RBFOX1: variants seen among roughly 807,000 people sequenced by gnomAD.
The protein encoded by RBFOX1 is RNA binding fox-1 homolog 1, also known as RNA binding protein fox-1 homolog 1.
Under a neutral mutation model 57.7 loss-of-function variants are expected in RBFOX1, and 8 were observed. That is an observed-to-expected ratio of 0.14 (90% CI 0.08 to 0.25). RBFOX1 has a LOEUF of 0.25. Among genes scored for constraint, RBFOX1 ranks in the 10% least tolerant of loss-of-function variants. The probability of loss-of-function intolerance (pLI) is 1.00; values close to 1 mark genes in which losing one functional copy is unlikely to be tolerated. For synonymous variants in RBFOX1, 326 were observed against 222.4 expected, an observed-to-expected ratio of 1.47 and a Z score of -4.15; for missense variants, 611 against 548.5, an observed-to-expected ratio of 1.11 and a Z score of -1.14.
intron 4 of RBFOX1, among the ~76,000 whole-genome samples, chr16:5,920,248 T>G (rs115844412): frequency 1.8e-4 from 27 of 152,344 alleles, no homozygotes; most frequent in African/African-American, 6.5e-4. Flanking sequence ...TAGTACTTCC[T>G]TTCTGTAGAA....
At chr16:6,504,566 C>T (rs986530780) in intron 2 of RBFOX1, among the ~76,000 whole-genome samples, 4 of 152,274 alleles carry the variant, frequency 2.6e-5, no homozygotes, top group Admixed American at 6.5e-5. Flanking sequence ...GTTTGCCTAT[C>T]TACATTCCAA....
intron 3 of RBFOX1, among the ~76,000 whole-genome samples, chr16:6,662,525 G>T (rs1423998062): frequency 6.6e-6 from 1 of 152,138 alleles, no homozygotes; most frequent in Admixed American, 6.5e-5. Context: ...TAGATTTCAG[G>T]TGGCAAATGA....
intron 1 of RBFOX1, among the ~76,000 whole-genome samples, chr16:6,051,280 C>T (rs553912631): frequency 1.6e-4 from 24 of 151,894 alleles, no homozygotes; most frequent in Non-Finnish European, 3.1e-4. Flanking sequence ...TCTTGATAAT[C>T]GGCCTCTCCA....
At chr16:7,069,909 A>G (rs1478401204) in intron 4 of RBFOX1, among the ~76,000 whole-genome samples, 1 of 152,202 alleles carries the variant, frequency 6.6e-6, no homozygotes, top group Non-Finnish European at 1.5e-5. Context: ...CTCTGCTTTC[A>G]GGGAAACGGA....
intron 2 of RBFOX1, among the ~76,000 whole-genome samples, chr16:6,379,360 G>C (rs1029623027): frequency 2.6e-5 from 4 of 152,120 alleles, no homozygotes; most frequent in South Asian, 2.1e-4. Flanking sequence ...AGTTAGCCAG[G>C]ATATTCCTGC....
chr16:6,499,367 A>G (rs993758581), intron 2 of RBFOX1, among the ~76,000 whole-genome samples: 2 of 152,074 alleles, frequency 1.3e-5, no homozygotes, highest in Non-Finnish European at 2.9e-5. Flanking sequence ...CACCACAAAC[A>G]GCCATGTGTA....
chr16:6,812,065 T>C (rs974626840), intron 3 of RBFOX1, among the ~76,000 whole-genome samples: 1 of 152,058 alleles, frequency 6.6e-6, no homozygotes, highest in African/African-American at 2.4e-5. Context: ...TGTATCACCA[T>C]ATAAAGTTGT....
intron 2 of RBFOX1, among the ~76,000 whole-genome samples, chr16:6,439,829 C>T (rs148832119): frequency 1.5e-4 from 23 of 152,176 alleles, no homozygotes; most frequent in Non-Finnish European, 2.8e-4. Flanking sequence ...AGGTGAGCAT[C>T]CGACCCAGGG....
At chr16:6,485,087 G>C (rs2095446452) in intron 2 of RBFOX1, among the ~76,000 whole-genome samples, 1 of 152,164 alleles carries the variant, frequency 6.6e-6, no homozygotes. Flanking sequence ...TTTGTGGTTT[G>C]CTATGACTAA....
chr16:7,407,400 G>GTA (rs1568687654), intron 4 of RBFOX1, among the ~76,000 whole-genome samples: 1 of 142,800 alleles, frequency 7.0e-6, no homozygotes, highest in African/African-American at 2.5e-5. Flanking sequence ...GTGTGTGTGT[G>GTA]TGTGTATGTG....
chr16:6,143,576 C>G lies in RBFOX1; in HGVS notation c.-127+123584C>G, dbSNP rs563428154. On this transcript the variant is annotated intron_variant, in intron 1 of 15. Coordinates refer to ENST00000550418, the MANE Select transcript of RBFOX1 (RefSeq NM_018723.4). ...ATAGCTAAAGGACACTTACCATAAG[C>G]ATCCAAGTGATTCTGTTCTCTCTTG... Among the ~76,000 whole-genome samples the G allele has an allele frequency of 1.1e-4, 16 of 152,304 alleles. No homozygotes were observed. In the East Asian group the frequency reaches 2.1e-3, roughly 20 times the overall value.
At chr16:7,322,739 A>C (rs913241152) in intron 4 of RBFOX1, among the ~76,000 whole-genome samples, 2 of 152,198 alleles carry the variant, frequency 1.3e-5, no homozygotes, top group African/African-American at 4.8e-5. Context: ...TGGTATGGGA[A>C]AAAGCCAAGG....
At chr16:7,213,873 C>G (rs778137331) in intron 4 of RBFOX1, among the ~76,000 whole-genome samples, 1 of 152,158 alleles carries the variant, frequency 6.6e-6, no homozygotes, top group Non-Finnish European at 1.5e-5. Context: ...GGGGGAACGA[C>G]TCAAAGACAG....
At position 7,375,219 on chromosome 16, in the gene RBFOX1, A is replaced by C. The variant is rs79828197; in HGVS notation, c.28-142928A>C. On this transcript the variant is annotated intron_variant, in intron 4 of 15. Coordinates refer to ENST00000550418, the MANE Select transcript of RBFOX1 (RefSeq NM_018723.4). ...GAAGATCAGAGAAGTACATCGTTTC[A>C]GTGACCAAGTCACTGTTAAATGACA... Among the ~76,000 whole-genome samples the C allele has an allele frequency of 6.7e-3, 1,028 of 152,368 alleles. 15 individuals carry two copies. Among genetic ancestry groups the C allele is most frequent in the African/African-American group, 0.024 (985 of 41,594 alleles).
intron 3 of RBFOX1, among the ~76,000 whole-genome samples, chr16:6,868,188 G>T (rs2060261661): frequency 6.6e-6 from 1 of 152,042 alleles, no homozygotes; most frequent in Admixed American, 6.6e-5. Flanking sequence ...GTCTTTCAGT[G>T]CTACATGTTA....
intron 3 of RBFOX1, among the ~76,000 whole-genome samples, chr16:6,890,539 A>C (rs2065167209): frequency 6.6e-6 from 1 of 152,006 alleles, no homozygotes; most frequent in African/African-American, 2.4e-5. Context: ...AACAAAACCA[A>C]ACCCAAAGAA....
At position 6,833,364 on chromosome 16, in the gene RBFOX1, A is replaced by G. The variant is rs2092849112; in HGVS notation, c.-16+178714A>G. On this transcript the variant is annotated intron_variant, in intron 3 of 15. Coordinates refer to ENST00000550418, the MANE Select transcript of RBFOX1 (RefSeq NM_018723.4). ...GTATTTTTAGTAGAGACAGGGTTTC[A>G]CCATGTTGGTTCCGCTGTTCTCAAA... Among the ~76,000 whole-genome samples, 3 of 151,822 alleles carry G rather than the reference A, an allele frequency of 2.0e-5. No individual in the cohort carries two copies. The East Asian group carries it at 5.9e-4, about 30-fold the overall frequency.
intron 4 of RBFOX1, among the ~76,000 whole-genome samples, chr16:5,996,643 T>G (rs2060495662): frequency 6.6e-6 from 1 of 152,052 alleles, no homozygotes; most frequent in South Asian, 2.1e-4. Flanking sequence ...AGCATAGGCA[T>G]TTACCACCTT....
At chr16:7,390,694 G>A (rs1016596212) in intron 4 of RBFOX1, among the ~76,000 whole-genome samples, 3 of 152,152 alleles carry the variant, frequency 2.0e-5, no homozygotes, top group African/African-American at 7.2e-5. Context: ...TCAATATGCT[G>A]TCTCTTTACA....
Sources: gnomAD v4.1 joint callset for allele counts (sites outside exome capture counted in the v4.1 genomes callset) on GRCh38, gnomAD v4.1.1 for gene constraint, MANE v1.5 for transcripts, NCBI Gene and HGNC (gene_info 2026-07-23, HGNC 2026-07-21) for gene names.